Variants in CFAP61 observed in about 807,000 individuals in gnomAD.
The protein encoded by CFAP61 is cilia- and flagella-associated protein 61.
Under a neutral mutation model 135.6 loss-of-function variants are expected in CFAP61, and 107 were observed. That is an observed-to-expected ratio of 0.79 (90% confidence interval 0.67 to 0.93). The LOEUF (loss-of-function observed/expected upper bound fraction) is 0.93, where lower values mean the gene tolerates loss of function less well. Among genes scored for constraint, CFAP61 ranks in the 40% least tolerant of loss-of-function variants. The pLI is 0.00. For synonymous variants in CFAP61, 575 were observed against 578.5 expected (o/e 0.99, Z 0.09); for missense variants, 1,507 against 1,556.2 (o/e 0.97, Z 0.53).
intron 17 of CFAP61, among the ~76,000 whole-genome samples, chr20:20,214,063 C>T (rs1192564409): frequency 2.0e-5 from 3 of 152,078 alleles, no homozygotes; most frequent in Non-Finnish European, 4.4e-5. Flanking sequence ...TAGTCACTTC[C>T]AGAAGATGTA....
chr20:20,350,300 A>C (rs1468238617), intron 26 of CFAP61, among the ~76,000 whole-genome samples: 1 of 152,236 alleles, frequency 6.6e-6, no homozygotes. Flanking sequence ...CAGAATTACC[A>C]TATGACTCAG....
intron 25 of CFAP61, among the ~76,000 whole-genome samples, chr20:20,333,792 C>T (rs918782985): frequency 1.3e-5 from 2 of 152,166 alleles, no homozygotes; most frequent in African/African-American, 2.4e-5. Context: ...CCGTCCAGAG[C>T]AAATGTGACC....
At position 20,098,812 on chromosome 20, in the gene CFAP61, A is replaced by G. The variant is rs1380131270; in HGVS notation, c.857A>G (p.Gln286Arg). 4 of 1,611,620 alleles carry G rather than the reference A, an allele frequency of 2.5e-6. 1 individual carries two copies. Among genetic ancestry groups the G allele is most frequent in the Non-Finnish European group, 3.4e-6 (4 of 1,179,016 alleles). The change falls in exon 8 of 27, where the codon CAA becomes CGA. Residue 286 changes from glutamine (Q) to arginine (R), a missense_variant and splice_region_variant. Gln to Arg is a conservative substitution (Grantham distance 43). Transcript: ENST00000245957. ...SPQDLSVRRS[Q>R]DAELRSSSQG... ...CAAGACCTAAGTGTCCGAAGAAGTC[A>G]AGGTACAGTGGCTATCACAGGGACA...
chr20:20,283,696 T>C (rs1430921274), intron 22 of CFAP61, among the ~76,000 whole-genome samples: 2 of 152,196 alleles, frequency 1.3e-5, no homozygotes, highest in East Asian at 3.8e-4. Context: ...GTAATAGAAG[T>C]TAATTCCTTG....
intron 25 of CFAP61, among the ~76,000 whole-genome samples, chr20:20,309,919 C>T (rs1317784904): frequency 1.3e-5 from 2 of 152,180 alleles, no homozygotes; most frequent in East Asian, 3.9e-4. Flanking sequence ...GACAGCTGTG[C>T]ATTCTACATG....
At chr20:20,264,786 GGAGGCT>G (rs1483323336) in intron 21 of CFAP61, among the ~76,000 whole-genome samples, 2 of 152,156 alleles carry the variant, frequency 1.3e-5, no homozygotes, top group Non-Finnish European at 1.5e-5. Flanking sequence ...CAGCTACCTG[GGAGGCT>G]GAGGTGGGAG....
intron 18 of CFAP61, among the ~76,000 whole-genome samples, chr20:20,237,827 C>T (rs1033671104): frequency 7.9e-5 from 12 of 152,172 alleles, no homozygotes; most frequent in Non-Finnish European, 1.8e-4. Flanking sequence ...CTCTTTAATA[C>T]TTAACAGTTT....
chr20:20,070,590 A>G lies in CFAP61; in HGVS notation c.144-264A>G, dbSNP rs542409075. On this transcript the variant is annotated intron_variant, in intron 2 of 26. Transcript: ENST00000245957. ...CAAATATCTTCCTAGTCAGTCTCCA[A>G]GGGAAAGATAGTAGATACTCAATAT... 2.0e-5 allele frequency among the ~76,000 whole-genome samples: 3 copies of G among 152,328 alleles called. No homozygotes were observed. The South Asian group carries it at 6.2e-4, about 32-fold the overall frequency.
intron 13 of CFAP61, among the ~76,000 whole-genome samples, chr20:20,187,523 A>G (rs1338324279): frequency 6.6e-6 from 1 of 152,210 alleles, no homozygotes; most frequent in African/African-American, 2.4e-5. Flanking sequence ...GTGAGGCTCT[A>G]AAAAGCACAC....
intron 2 of CFAP61, among the ~76,000 whole-genome samples, chr20:20,066,727 G>A (rs1428963693): frequency 1.3e-5 from 2 of 152,128 alleles, no homozygotes; most frequent in African/African-American, 4.8e-5. Flanking sequence ...TAATGTAGAT[G>A]ACGGGTTGAT....
chr20:20,273,739 G>A (rs1012781862), intron 21 of CFAP61, among the ~76,000 whole-genome samples: 5 of 152,172 alleles, frequency 3.3e-5, no homozygotes, highest in Admixed American at 6.5e-5. Context: ...AAGTCATCTC[G>A]CTGCGAAGCC....
chr20:20,077,612 T>C (rs1009593184), intron 6 of CFAP61, among the ~76,000 whole-genome samples: 2 of 152,246 alleles, frequency 1.3e-5, no homozygotes, highest in African/African-American at 4.8e-5. Context: ...CTTGGTTTTA[T>C]ACATTTTAGG....
At chr20:20,078,497 T>C (rs1246793608) in intron 6 of CFAP61, among the ~76,000 whole-genome samples, 7 of 152,030 alleles carry the variant, frequency 4.6e-5, no homozygotes, top group African/African-American at 1.7e-4. Context: ...GTAGAAATAA[T>C]AGATTTAAAT....
At chr20:20,076,602 C>T (rs2046066746) in intron 6 of CFAP61, among the ~76,000 whole-genome samples, 1 of 152,210 alleles carries the variant, frequency 6.6e-6, no homozygotes, top group Admixed American at 6.5e-5. Context: ...ATGAAATCAT[C>T]TCACAGAGGT....
In CFAP61 at chr20:20,288,558, G is replaced by C. The variant is rs115411614; in HGVS notation, c.2797-51G>C. 3,648 of 1,430,578 alleles carry C rather than the reference G, an allele frequency of 2.6e-3. 40 individuals are homozygous for C. The African/African-American group carries it at 0.031, about 12-fold the overall frequency. The allele number at this position is 1,430,578 out of a possible 1,614,324, so 88.6% of individuals were successfully genotyped here. A position where few individuals can be genotyped will look rare whatever the true frequency, so the allele number is the denominator to read the frequency against. On this transcript the variant is annotated intron_variant, in intron 22 of 26. Transcript: ENST00000245957. ...TGGAGACTAGTCACACTTTTGGGAA[G>C]GTAAAATGAAGAGTGATAACTGAAT...
intron 21 of CFAP61, chr20:20,265,400 C>T (rs1040283831): frequency 9.0e-6 from 7 of 779,642 alleles, no homozygotes; most frequent in Admixed American, 3.4e-5. Flanking sequence ...TTTGTATTGT[C>T]CTCTTGGTTC....
intron 8 of CFAP61, among the ~76,000 whole-genome samples, chr20:20,138,027 G>C (rs926395702): frequency 3.3e-5 from 5 of 152,106 alleles, no homozygotes; most frequent in African/African-American, 1.2e-4. Context: ...TCCAGTCCAG[G>C]GTGTGTCTAG....
chr20:20,161,592 G>A (rs771065711), intron 10 of CFAP61, among the ~76,000 whole-genome samples: 6 of 152,192 alleles, frequency 3.9e-5, no homozygotes, highest in Admixed American at 1.3e-4. Flanking sequence ...GCTGAAGACT[G>A]GAGGTTTGCA....
intron 6 of CFAP61, among the ~76,000 whole-genome samples, chr20:20,085,848 A>G (rs954413401): frequency 2.0e-5 from 3 of 152,206 alleles, no homozygotes; most frequent in African/African-American, 7.2e-5. Flanking sequence ...AGAATTTTTT[A>G]CAAATTATTC....
Sources: gnomAD v4.1 joint callset for allele counts (sites outside exome capture counted in the v4.1 genomes callset) on GRCh38, gnomAD v4.1.1 for gene constraint, MANE v1.5 for transcripts, NCBI Gene and HGNC (gene_info 2026-07-23, HGNC 2026-07-21) for gene names.